TRMT44: variants seen among roughly 807,000 people sequenced by gnomAD.
TRMT44 encodes the protein tRNA methyltransferase 44 homolog, also known as probable tRNA (uracil-O(2)-)-methyltransferase.
A neutral mutation model predicts 77.3 loss-of-function variants in TRMT44; 78 were observed. The ratio of observed to expected loss-of-function variants is 1.01; its 90% CI spans 0.84 to 1.22. The LOEUF is 1.22. Among genes scored for constraint, TRMT44 ranks in the 50% most tolerant of loss-of-function variants. The pLI is 0.00. For missense variants in TRMT44, 1,090 were observed against 964.4 expected (o/e 1.13, Z -1.73); for synonymous variants, 391 against 383.3 (o/e 1.02, Z -0.23).
At chr4:8,481,253 G>A (rs928275048), downstream of TRMT44, among the ~76,000 whole-genome samples, 1 of 152,126 alleles carries the variant, frequency 6.6e-6, no homozygotes, top group Non-Finnish European at 1.5e-5. Context: ...CCCCTGCTCC[G>A]ACCTTTGAGT....
the TRMT44 span, among the ~76,000 whole-genome samples, chr4:8,499,296 G>C: frequency 6.6e-6 from 1 of 152,078 alleles, no homozygotes; most frequent in African/African-American, 2.4e-5. Context: ...CCCCTGCCCT[G>C]GGCCGTGTCT....
chr4:8,484,849 G>C (rs529042287), intron 2 of TRMT44, among the ~76,000 whole-genome samples: 8 of 152,296 alleles, frequency 5.3e-5, no homozygotes, highest in African/African-American at 1.9e-4. Flanking sequence ...AGAAGGGTTG[G>C]GGTTTGAGAG....
chr4:8,488,034 G>A (rs1045994904), intron 2 of TRMT44, among the ~76,000 whole-genome samples: 2 of 152,210 alleles, frequency 1.3e-5, no homozygotes, highest in African/African-American at 4.8e-5. Flanking sequence ...AGATTGAAGT[G>A]TGGTGCCAAG....
the TRMT44 span, among the ~76,000 whole-genome samples, chr4:8,506,671 G>A: frequency 6.6e-6 from 1 of 152,246 alleles, no homozygotes; most frequent in African/African-American, 2.4e-5. Flanking sequence ...GCACTTCTCT[G>A]TGGAATTCTC....
chr4:8,502,254 A>G, the TRMT44 span, among the ~76,000 whole-genome samples: 2 of 152,240 alleles, frequency 1.3e-5, no homozygotes, highest in Admixed American at 6.5e-5. Flanking sequence ...CGGGACAGGC[A>G]GCCGCCATGA....
chr4:8,492,677 A>T (rs1489724827), intron 2 of TRMT44, among the ~76,000 whole-genome samples: 1 of 152,228 alleles, frequency 6.6e-6, no homozygotes, highest in Non-Finnish European at 1.5e-5. Context: ...TCACAAGGAA[A>T]TTCCTTGTGG....
chr4:8,465,554 C>G lies in TRMT44; in HGVS notation c.1487C>G (p.Thr496Ser), dbSNP rs767951418. 6.2e-7 allele frequency: 1 copy of G among 1,611,804 alleles called. No individual in the cohort carries two copies. Among genetic ancestry groups the G allele is most frequent in the Non-Finnish European group, 8.5e-7 (1 of 1,178,916 alleles). ...VDEDCLRIPS[T>S]KRVCLVGKSR... ...GAAGACTGCCTCAGGATTCCTTCAA[C>G]CAAAAGAGTATGTCTGATTCTCATG... Residue 496 changes from threonine to serine, a missense_variant, in exon 8 of 11, where the codon ACC becomes AGC. Coordinates refer to ENST00000389737, the MANE Select transcript of TRMT44 (RefSeq NM_152544.3).
chr4:8,451,918 G>A lies in TRMT44; in HGVS notation c.955-42G>A. On this transcript the variant is annotated intron_variant, in intron 3 of 10. Transcript: ENST00000389737. The surrounding 1 kb of genome is among the most constrained non-coding windows in gnomAD (Gnocchi z 4.1). ...CTTAAAGTATTGGGAAATGGTGGTG[G>A]GGAAACCGAACAATTTATGTTTGCT... 1 of 1,517,462 alleles carries A rather than the reference G, an allele frequency of 6.6e-7. No homozygotes were observed. Among genetic ancestry groups the A allele is most frequent in the Non-Finnish European group, 8.9e-7 (1 of 1,129,902 alleles). The allele number at this position is 1,517,462 out of a possible 1,614,324, so 94.0% of individuals were successfully genotyped here. A position where few individuals can be genotyped will look rare whatever the true frequency, so the allele number is the denominator to read the frequency against.
intron 2 of TRMT44, among the ~76,000 whole-genome samples, chr4:8,493,051 C>T (rs373350009): frequency 6.6e-6 from 1 of 152,162 alleles, no homozygotes; most frequent in South Asian, 2.1e-4. Context: ...TTGGGGTTCA[C>T]AATGGTTTAA....
At chr4:8,453,333 G>A (rs1271728220) in intron 5 of TRMT44, 2 of 161,882 alleles carry the variant, frequency 1.2e-5, no homozygotes, top group African/African-American at 4.8e-5. Context: ...AGCAAGGCAG[G>A]TTCTGCACTT....
chr4:8,511,163 G>T, the TRMT44 span, among the ~76,000 whole-genome samples: 2 of 152,360 alleles, frequency 1.3e-5, no homozygotes, highest in Admixed American at 1.3e-4. Context: ...TATGCTTAGT[G>T]ATGTGGCAGA....
intron 1 of TRMT44, among the ~76,000 whole-genome samples, chr4:8,441,870 G>A (rs1489999250): frequency 6.6e-6 from 1 of 152,188 alleles, no homozygotes; most frequent in Non-Finnish European, 1.5e-5. Context: ...AAGCCTGGGA[G>A]CTCTGGTCTC....
At chr4:8,459,870 C>T (rs1322231120) in intron 6 of TRMT44, among the ~76,000 whole-genome samples, 1 of 152,096 alleles carries the variant, frequency 6.6e-6, no homozygotes, top group Non-Finnish European at 1.5e-5. Context: ...GCAGCAGGTT[C>T]GAGGGTGGTG....
chr4:8,468,158 AGGCTGAAGGACCCT>A lies in TRMT44; in HGVS notation c.1744_1757del (p.Glu582ThrfsTer10). 1.2e-6 allele frequency: 2 copies of A among 1,614,094 alleles called. No homozygotes were observed. The highest frequency in any genetic ancestry group is 1.3e-5 in the African/African-American group (1 of 75,074). On this transcript the variant is annotated frameshift_variant, in exon 9 of 11. Coordinates refer to ENST00000389737, the MANE Select transcript of TRMT44 (RefSeq NM_152544.3). LOFTEE classifies it high-confidence loss of function. Reference sequence around the variant, plus strand: ...GCCGCTGAGCATGGAGCAGGGCCCCAGGCTGAAGGACCCTGGCTACCTGGATTTCATCCCAGAGA... The same window carrying A: ...GCCGCTGAGCATGGAGCAGGGCCCCAGGCTACCTGGATTTCATCCCAGAGA...
intron 5 of TRMT44, 61 bp from the exon 6 acceptor site, chr4:8,454,681 C>T (rs1284838758): frequency 3.3e-6 from 5 of 1,534,162 alleles, no homozygotes; most frequent in Admixed American, 1.7e-5. Flanking sequence ...TTAATGTGTT[C>T]TTGCTAACTT....
intron 2 of TRMT44, chr4:8,482,267 C>T (rs542768794): frequency 2.6e-5 from 4 of 152,366 alleles, no homozygotes; most frequent in Admixed American, 1.3e-4. Context: ...CCGTCCTAGC[C>T]ACAGCCGTGT....
chr4:8,454,671 T>G, intron 5 of TRMT44, 71 bp from the exon 6 acceptor site: 1 of 1,483,030 alleles, frequency 6.7e-7, no homozygotes, highest in Non-Finnish European at 9.4e-7. Flanking sequence ...CTGCAGAACT[T>G]TAATGTGTTC....
At chr4:8,454,944 T>G in intron 6 of TRMT44, 131 bp downstream of exon 6, 1 of 823,214 alleles carries the variant, frequency 1.2e-6, no homozygotes, top group South Asian at 1.6e-5. Context: ...TTAATCTAAG[T>G]GCTCTGAAAT....
chr4:8,495,408 A>G (rs1728122137), downstream of TRMT44, among the ~76,000 whole-genome samples: 1 of 152,128 alleles, frequency 6.6e-6, no homozygotes, highest in Non-Finnish European at 1.5e-5. Flanking sequence ...CCTTGACCAG[A>G]GGGACACTCG....
Sources: gnomAD v4.1 joint callset for allele counts (sites outside exome capture counted in the v4.1 genomes callset) on GRCh38, gnomAD v4.1.1 for gene constraint, Gnocchi (gnomAD v3.1) non-coding constraint, MANE v1.5 for transcripts, NCBI Gene and HGNC (gene_info 2026-07-23, HGNC 2026-07-21) for gene names.